Variants in UBA5 observed in about 807,000 individuals in gnomAD.
UBA5 encodes the protein ubiquitin-like modifier-activating enzyme 5.
UBA5 carries 28 observed loss-of-function variants against 52.9 expected under a neutral mutation model. The ratio of observed to expected loss-of-function variants is 0.53; its 90% CI spans 0.39 to 0.73. The LOEUF (loss-of-function observed/expected upper bound fraction) is 0.73. Ranked by LOEUF, UBA5 falls within the 30% of genes least tolerant of loss-of-function variation. The pLI is 0.00. For missense variants in UBA5, 388 were observed against 492.7 expected, an observed-to-expected ratio of 0.79 and a Z score of 2.01; for synonymous variants, 135 against 162.1, an observed-to-expected ratio of 0.83 and a Z score of 1.27.
chr3:132,669,948 T>C (rs978628372), intron 4 of UBA5, among the ~76,000 whole-genome samples: 1 of 152,182 alleles, frequency 6.6e-6, no homozygotes, highest in African/African-American at 2.4e-5. Flanking sequence ...TTCTCTAAGG[T>C]ATGTTAAATG....
At chr3:132,659,756 AC>A, upstream of UBA5, 1 of 1,584,892 alleles carries the variant, frequency 6.3e-7, no homozygotes, top group Non-Finnish European at 8.6e-7. Context: ...CTTCATGATC[AC>A]CCCCGCAGGC....
upstream of UBA5, chr3:132,659,633 C>G (rs1938020053): frequency 6.2e-7 from 1 of 1,610,284 alleles, no homozygotes; most frequent in Non-Finnish European, 8.5e-7. Context: ...CGTAGCCTCA[C>G]GTTCGGCCCC....
At chr3:132,666,200 C>A in intron 3 of UBA5, 127 bp downstream of exon 3, 1 of 736,702 alleles carries the variant, frequency 1.4e-6, no homozygotes, top group Non-Finnish European at 2.3e-6. Context: ...CTAGATTGTT[C>A]TTTCTACTCG....
Position 132,660,599 on chromosome 3 carries a change from A to C in UBA5, c.62A>C (p.Gln21Pro). 6.4e-7 allele frequency: 1 copy of C among 1,554,642 alleles called. No individual in the cohort carries two copies. The highest frequency in any genetic ancestry group is 1.4e-5 in the African/African-American group (1 of 73,368). ...CAGGAGCTGGAGCGGGAACTTGCCC[A>C]GGAGAGGAGTCTGCAGGTCCCGAGG... is the stretch of plus-strand genomic sequence containing the variant. ...RVQELERELAQERSLQVPRSG... is the reference protein window; with the variant it reads ...RVQELERELAPERSLQVPRSG... The change falls in exon 1 of 12, where the codon CAG (glutamine) becomes CCG (proline). Residue 21 changes from glutamine to proline, a missense_variant. Gln to Pro is a moderately conservative substitution (Grantham distance 76). Around this residue, in one of 3 missense-constraint regions of UBA5, gnomAD observed 95 missense variants for 107.0 expected, o/e 0.89. Coordinates refer to ENST00000356232, the MANE Select transcript of UBA5 (RefSeq NM_024818.6). This position sits in a 1 kb window ranked among gnomAD's most constrained non-coding sequence, Gnocchi z 4.1.
intron 8 of UBA5, among the ~76,000 whole-genome samples, chr3:132,673,074 C>T (rs1292950669): frequency 3.9e-5 from 6 of 152,122 alleles, no homozygotes; most frequent in African/African-American, 7.2e-5. Flanking sequence ...AAAAAGCATA[C>T]ATATAAACTC....
chr3:132,660,240 C>T, upstream of UBA5: 1 of 537,900 alleles, frequency 1.9e-6, no homozygotes, highest in Non-Finnish European at 3.3e-6. The surrounding 1 kb of genome is among the most constrained non-coding windows in gnomAD (Gnocchi z 4.1). Flanking sequence ...CTTATCACCC[C>T]GGTGCTGCTG....
Position 132,675,851 on chromosome 3 carries a change from A to G in UBA5, c.1059A>G (p.Glu353=), listed in dbSNP as rs755107477. 1.1e-5 allele frequency: 17 copies of G among 1,611,514 alleles called. No individual in the cohort carries two copies. The highest frequency in any genetic ancestry group is 1.4e-5 in the Non-Finnish European group (17 of 1,179,158). ...IELVSEVSEE[E]LKNFSGPVPD... ...TGGTATCTGAGGTTTCAGAAGAGGA[A>G]CTGAAAAATTTTTCAGGTCCAGTTC... The change falls in exon 11 of 12, where the codon GAA becomes GAG. Residue 353 remains glutamate (E), a synonymous_variant. Coordinates refer to ENST00000356232, the MANE Select transcript of UBA5 (RefSeq NM_024818.6).
At chr3:132,673,967 A>G (rs1938719660) in intron 8 of UBA5, among the ~76,000 whole-genome samples, 1 of 152,226 alleles carries the variant, frequency 6.6e-6, no homozygotes, top group Admixed American at 6.5e-5. Flanking sequence ...CACACGGCCT[A>G]TAGTACACAT....
At chr3:132,658,738 C>T (rs149253239), upstream of UBA5, among the ~76,000 whole-genome samples, 523 of 152,252 alleles carry the variant, frequency 3.4e-3, 3 homozygotes, top group African/African-American at 0.012. Flanking sequence ...TTCATTTTCA[C>T]CAAAATCAGT....
rs982848054 is a variant in UBA5, at chr3:132,678,806, C to T, written c.*2280C>T. 2.7e-4 allele frequency among the ~76,000 whole-genome samples: 41 copies of T among 151,836 alleles called. No homozygotes were observed. The highest frequency in any genetic ancestry group is 6.6e-5 in the Admixed American group (1 of 15,242). On this transcript the variant is annotated 3_prime_UTR_variant, in exon 12 of 12. Transcript: ENST00000356232. ...CTGGGATTACAGGTGCCCGCCACCA[C>T]GCATGGCTAATTTTTGTATTTTTAG...
intron 4 of UBA5, among the ~76,000 whole-genome samples, 164 bp from the exon 5 acceptor site, chr3:132,670,034 T>C (rs912353421): frequency 1.3e-5 from 2 of 152,124 alleles, no homozygotes; most frequent in African/African-American, 2.4e-5. Flanking sequence ...TTTAAAAACA[T>C]TTTTTTAGAG....
chr3:132,664,346 T>C (rs991756215), intron 1 of UBA5, among the ~76,000 whole-genome samples: 1 of 152,192 alleles, frequency 6.6e-6, no homozygotes, highest in Admixed American at 6.5e-5. Context: ...CTTCCCACAA[T>C]TATATGCCCT....
Position 132,677,580 on chromosome 3 carries a change from A to C in UBA5, c.*1054A>C, listed in dbSNP as rs1159019449. The C allele has an allele frequency of 6.6e-6, 1 of 152,212 alleles. No individual in the cohort carries two copies. Among genetic ancestry groups the C allele is most frequent in the Non-Finnish European group, 1.5e-5 (1 of 68,026 alleles). 9.4% of individuals were successfully genotyped at this position (152,212 alleles called of 1,614,324 possible). ...AAGACTTAAGAGAACCTTGGTTGAA[A>C]TAAATTTCCAATAGTTTGGAGACTC... On this transcript the variant is annotated 3_prime_UTR_variant, in exon 12 of 12. Transcript: ENST00000356232.
upstream of UBA5, chr3:132,660,028 C>T (rs1207767300): frequency 1.9e-5 from 8 of 411,130 alleles, no homozygotes; most frequent in Non-Finnish European, 8.6e-6. This position sits in a 1 kb window ranked among gnomAD's most constrained non-coding sequence, Gnocchi z 4.1. Flanking sequence ...TTAAAGAAGG[C>T]AAAGCCATGG....
intron 3 of UBA5, chr3:132,667,566 A>G (rs1938429371): frequency 6.6e-6 from 1 of 152,228 alleles, no homozygotes; most frequent in African/African-American, 2.4e-5. Flanking sequence ...AAGTGAATTA[A>G]TGAGGTTAAA....
chr3:132,678,624 C>T lies in UBA5; in HGVS notation c.*2098C>T, dbSNP rs969823858. On this transcript the variant is annotated 3_prime_UTR_variant, in exon 12 of 12. Coordinates refer to ENST00000356232, the MANE Select transcript of UBA5 (RefSeq NM_024818.6). ...TACGTACACTGAACAACACAAAAAA[C>T]GTAATGGCCACTTAAGAATATTTAT... is the stretch of plus-strand genomic sequence containing the variant. Among the ~76,000 whole-genome samples, 7 of 152,148 alleles carry T rather than the reference C, an allele frequency of 4.6e-5. No homozygotes were observed. Among genetic ancestry groups the T allele is most frequent in the South Asian group, 2.1e-4 (1 of 4,808 alleles).
At position 132,660,569 on chromosome 3, in the gene UBA5, G is replaced by A. The variant is rs776948479; in HGVS notation, c.32G>A (p.Arg11Gln). 37 of 1,550,552 alleles carry A rather than the reference G, an allele frequency of 2.4e-5. No homozygotes were observed. The South Asian group carries it at 4.2e-4, about 17-fold the overall frequency. The change falls in exon 1 of 12, where the codon CGG becomes CAG. Residue 11 changes from arginine to glutamine, a missense_variant. Physicochemically the swap from Arg to Gln is conservative, Grantham distance 43. Around this residue, in one of 3 missense-constraint regions of UBA5, gnomAD observed 95 missense variants for 107.0 expected, o/e 0.89. Coordinates refer to ENST00000356232, the MANE Select transcript of UBA5 (RefSeq NM_024818.6). The surrounding 1 kb of genome is among the most constrained non-coding windows in gnomAD (Gnocchi z 4.1). ...GAGTCTGTGGAGCGCCTGCAGCAGC[G>A]GGTCCAGGAGCTGGAGCGGGAACTT... is the stretch of plus-strand genomic sequence containing the variant. MAESVERLQQRVQELERELAQ... is the reference protein window; with the variant it reads MAESVERLQQQVQELERELAQ...
At position 132,677,330 on chromosome 3, in the gene UBA5, T is replaced by G. The variant is rs1938881685; in HGVS notation, c.*804T>G. On this transcript the variant is annotated 3_prime_UTR_variant, in exon 12 of 12. Coordinates refer to ENST00000356232, the MANE Select transcript of UBA5 (RefSeq NM_024818.6). ...AATTTAGACTAAAATCCATCCAGAT[T>G]ACACTCATTCTTTAGGCTACTCCTG... 6.4e-6 allele frequency: 1 copy of G among 156,874 alleles called. No individual in the cohort carries two copies. The highest frequency in any genetic ancestry group is 2.4e-5 in the African/African-American group (1 of 41,506). The allele number at this position is 156,874 out of a possible 1,614,324, so 9.7% of individuals were successfully genotyped here. A position where few individuals can be genotyped will look rare whatever the true frequency, so the allele number is the denominator to read the frequency against.
chr3:132,659,881 A>G, upstream of UBA5: 1 of 1,137,274 alleles, frequency 8.8e-7, no homozygotes, highest in Non-Finnish European at 1.2e-6. Flanking sequence ...AGCCAACCGC[A>G]CACAGCCTAC....
Sources: gnomAD v4.1 joint callset for allele counts (sites outside exome capture counted in the v4.1 genomes callset) on GRCh38, gnomAD v4.1.1 for gene constraint, gnomAD v4.1.1 regional missense constraint, Gnocchi (gnomAD v3.1) non-coding constraint, MANE v1.5 for transcripts, NCBI Gene and HGNC (gene_info 2026-07-23, HGNC 2026-07-21) for gene names.